The following ABAT variants were observed in gnomAD, a reference collection of about 807,000 sequenced individuals.
ABAT encodes the protein 4-aminobutyrate aminotransferase, mitochondrial.
In ABAT, 45 loss-of-function variants were observed where a neutral mutation model predicts 64.6. The ratio of observed to expected loss-of-function variants is 0.70; its 90% confidence interval spans 0.55 to 0.89. The LOEUF is 0.89. Ranked by LOEUF, ABAT falls within the 40% of genes least tolerant of loss-of-function variation. The pLI is 0.00. For missense variants in ABAT, 633 were observed against 658.4 expected, an observed-to-expected ratio of 0.96 and a Z score of 0.42; for synonymous variants, 297 against 250.5, an observed-to-expected ratio of 1.19 and a Z score of -1.75.
At position 8,781,982 on chromosome 16, in the gene ABAT, CAGG is replaced by C. The variant is rs962746383; in HGVS notation, c.*557_*559del. ...TCTGAGGAAGGCCGTAAAATGGGGA[CAGG>C]AGGATTCAGCTCAGGAGTAAGGGAA... On this transcript the variant is annotated 3_prime_UTR_variant, in exon 16 of 16. Transcript: ENST00000268251. The surrounding 1 kb of genome is among the most constrained non-coding windows in gnomAD (Gnocchi z 4.5). 1 of 184,976 alleles carries C rather than the reference CAGG, an allele frequency of 5.4e-6. No homozygotes were observed. Among genetic ancestry groups the C allele is most frequent in the Non-Finnish European group, 1.2e-5 (1 of 86,764 alleles). The allele number at this position is 184,976 out of a possible 1,614,324, so 11.5% of individuals were successfully genotyped here. A position where few individuals can be genotyped will look rare whatever the true frequency, so the allele number is the denominator to read the frequency against.
intron 4 of ABAT, among the ~76,000 whole-genome samples, chr16:8,748,629 G>A (rs548975590): frequency 6.6e-6 from 1 of 152,146 alleles, no homozygotes; most frequent in Admixed American, 6.6e-5. Flanking sequence ...TGGAGTGCCA[G>A]ATGTTGACAT....
At chr16:8,749,587 C>T (rs2059422529) in intron 4 of ABAT, among the ~76,000 whole-genome samples, 1 of 150,042 alleles carries the variant, frequency 6.7e-6, no homozygotes, top group South Asian at 2.1e-4. Context: ...TTAGTAGAGA[C>T]AAGATTTCAC....
At chr16:8,711,770 G>GGGAA (rs1420545000) in intron 1 of ABAT, among the ~76,000 whole-genome samples, 3 of 138,886 alleles carry the variant, frequency 2.2e-5, no homozygotes, top group Admixed American at 7.0e-5. Flanking sequence ...GAAGATGGAT[G>GGGAA]GATGGATGGA....
intron 1 of ABAT, among the ~76,000 whole-genome samples, chr16:8,689,377 G>C (rs1196094636): frequency 6.6e-6 from 1 of 152,194 alleles, no homozygotes; most frequent in East Asian, 1.9e-4. Flanking sequence ...CATCTTGACT[G>C]CTGTAGCCTT....
At chr16:8,753,285 C>T (rs994898236) in intron 5 of ABAT, among the ~76,000 whole-genome samples, 4 of 151,860 alleles carry the variant, frequency 2.6e-5, no homozygotes, top group Non-Finnish European at 5.9e-5. Context: ...TTAGTAGAGA[C>T]GGGGTTTCAC....
intron 1 of ABAT, among the ~76,000 whole-genome samples, chr16:8,708,014 G>A (rs2057987083): frequency 1.3e-5 from 2 of 152,204 alleles, no homozygotes; most frequent in African/African-American, 4.8e-5. Context: ...GTCTTGGCCT[G>A]AGTAGGAGGA....
At chr16:8,751,299 G>C (rs1177452831) in intron 5 of ABAT, among the ~76,000 whole-genome samples, 2 of 151,966 alleles carry the variant, frequency 1.3e-5, no homozygotes, top group Non-Finnish European at 2.9e-5. Flanking sequence ...CGCTGCCCAG[G>C]CTGGTCTCGA....
chr16:8,736,051 T>C, intron 2 of ABAT: 1 of 509,330 alleles, frequency 2.0e-6, no homozygotes, highest in South Asian at 2.1e-5. Context: ...GGCCTCACAA[T>C]CATGGCGGAA....
chr16:8,695,438 T>C (rs375466837), intron 1 of ABAT, among the ~76,000 whole-genome samples: 16 of 152,336 alleles, frequency 1.1e-4, no homozygotes, highest in African/African-American at 3.8e-4. Flanking sequence ...ACTGCATTCA[T>C]GATTCTGCAG....
chr16:8,725,208 G>A (rs982431135), intron 1 of ABAT, among the ~76,000 whole-genome samples: 14 of 152,180 alleles, frequency 9.2e-5, no homozygotes, highest in Non-Finnish European at 1.6e-4. Flanking sequence ...GAGCCAGCGC[G>A]CCTGGCTTTT....
intron 11 of ABAT, among the ~76,000 whole-genome samples, chr16:8,772,252 C>CTGTG (rs55677241): frequency 4.7e-5 from 7 of 147,960 alleles, no homozygotes; most frequent in African/African-American, 1.5e-4. Flanking sequence ...CTCTCTGTCT[C>CTGTG]TGTGTGTGTG....
At chr16:8,730,433 C>A (rs1169836179) in intron 1 of ABAT, among the ~76,000 whole-genome samples, 1 of 152,206 alleles carries the variant, frequency 6.6e-6, no homozygotes, top group Non-Finnish European at 1.5e-5. Context: ...CACACTATTC[C>A]TGCCCTGTGC....
At chr16:8,704,690 T>C (rs1453925933) in intron 1 of ABAT, among the ~76,000 whole-genome samples, 1 of 152,198 alleles carries the variant, frequency 6.6e-6, no homozygotes, top group Non-Finnish European at 1.5e-5. Context: ...ATTCTTTTTT[T>C]CTCTCATTAC....
chr16:8,692,015 T>A (rs2057594768), intron 1 of ABAT, among the ~76,000 whole-genome samples: 1 of 152,198 alleles, frequency 6.6e-6, no homozygotes, highest in African/African-American at 2.4e-5. Context: ...TTGTCCCTGG[T>A]GACTGGTTCT....
chr16:8,679,817 C>T (rs1344435071), intron 1 of ABAT, among the ~76,000 whole-genome samples: 2 of 152,124 alleles, frequency 1.3e-5, no homozygotes, highest in African/African-American at 4.8e-5. Flanking sequence ...ACCATGACCA[C>T]TCTGCTGCAG....
intron 6 of ABAT, 143 bp from the exon 7 acceptor site, chr16:8,763,926 A>G: frequency 1.4e-6 from 1 of 735,968 alleles, no homozygotes; most frequent in Non-Finnish European, 2.4e-6. Context: ...GAAACCGGCC[A>G]TGCCCCACGC....
Position 8,696,976 on chromosome 16 carries a change from G to A in ABAT, c.-42+22265G>A, listed in dbSNP as rs940451598. Among the ~76,000 whole-genome samples the A allele has an allele frequency of 4.6e-5, 7 of 152,188 alleles. No individual in the cohort carries two copies. In the East Asian group the frequency reaches 5.8e-4, roughly 13 times the overall value. On this transcript the variant is annotated intron_variant, in intron 1 of 15. Transcript: ENST00000268251. Reference sequence around the variant, plus strand: ...ACTCTCAGCATGTAACTTACATTGCGCGTCGACTGTGAAATCAAGGAGAAC... The same window carrying A: ...ACTCTCAGCATGTAACTTACATTGCACGTCGACTGTGAAATCAAGGAGAAC...
intron 1 of ABAT, among the ~76,000 whole-genome samples, chr16:8,678,823 C>G (rs1490204679): frequency 6.6e-6 from 1 of 152,104 alleles, no homozygotes; most frequent in Non-Finnish European, 1.5e-5. Flanking sequence ...GTTCCTGAGT[C>G]ATATTATTTA....
In ABAT at chr16:8,781,235, T is replaced by A; in HGVS notation, c.1382-74T>A. On this transcript the variant is annotated intron_variant, in intron 15 of 15. Coordinates refer to ENST00000268251, the MANE Select transcript of ABAT (RefSeq NM_020686.6). This position sits in a 1 kb window ranked among gnomAD's most constrained non-coding sequence, Gnocchi z 4.5. ...GATGGATGAGCGTTGCCAACAGGCA[T>A]CACTTTCCCCCCAGCTCTCCCAGCA... The A allele has an allele frequency of 6.2e-7, 1 of 1,608,154 alleles. No homozygotes were observed. The highest frequency in any genetic ancestry group is 8.5e-7 in the Non-Finnish European group (1 of 1,176,060).
Sources: gnomAD v4.1 joint callset for allele counts (sites outside exome capture counted in the v4.1 genomes callset) on GRCh38, gnomAD v4.1.1 for gene constraint, Gnocchi (gnomAD v3.1) non-coding constraint, MANE v1.5 for transcripts, NCBI Gene and HGNC (gene_info 2026-07-23, HGNC 2026-07-21) for gene names.